Variants in ANK1 observed in about 807,000 individuals in gnomAD.
ANK1 encodes the protein ankyrin 1, also known as ankyrin-1.
Under a neutral mutation model 210.4 loss-of-function variants are expected in ANK1, and 51 were observed. The observed-to-expected ratio is 0.24, with a 90% CI of 0.19 to 0.31. ANK1 has a LOEUF of 0.31. Among genes scored for constraint, ANK1 ranks in the 10% least tolerant of loss-of-function variants. The pLI, the probability that ANK1 is intolerant of heterozygous loss-of-function variation, is 1.00. For synonymous variants in ANK1, 967 were observed against 1,025.9 expected, an observed-to-expected ratio of 0.94 and a Z score of 1.10; for missense variants, 2,051 against 2,504.4, an observed-to-expected ratio of 0.82 and a Z score of 3.86.
At chr8:41,670,119 A>T (rs368542066) in intron 38 of ANK1, among the ~76,000 whole-genome samples, 72 of 152,018 alleles carry the variant, frequency 4.7e-4, no homozygotes, top group African/African-American at 1.5e-3. Flanking sequence ...AGCACGTATT[A>T]TCTAGAATTT....
intron 1 of ANK1, among the ~76,000 whole-genome samples, chr8:41,878,058 A>C (rs1816910214): frequency 2.0e-5 from 3 of 152,236 alleles, no homozygotes; most frequent in Admixed American, 2.0e-4. Flanking sequence ...CATGTGCATG[A>C]ACATTCTGGA....
At chr8:41,792,742 GA>G (rs1163970609) in intron 1 of ANK1, among the ~76,000 whole-genome samples, 1 of 152,166 alleles carries the variant, frequency 6.6e-6, no homozygotes, top group African/African-American at 2.4e-5. Context: ...ACTATTTTAT[GA>G]ATTTTAAAAA....
rs756122138 is a variant in ANK1 at position 41,668,483 on chromosome 8, C to T, written c.5178G>A (p.Thr1726=). The part of the protein sequence containing the change: ...AAQGSWQEEV[T]QGPHSFQGTS... Reference sequence around the variant, plus strand: ...TTCCCTGGAATGAGTGTGGACCTTGCGTGACCTCCTCTTGCCAGGAACCTT... The same window carrying T: ...TTCCCTGGAATGAGTGTGGACCTTGTGTGACCTCCTCTTGCCAGGAACCTT... The change falls in exon 39 of 43, where the codon ACG becomes ACA. Residue 1726 remains threonine (T), a synonymous_variant. Transcript: ENST00000289734. The T allele has an allele frequency of 2.7e-5, 43 of 1,614,092 alleles. No individual in the cohort carries two copies. The highest frequency in any genetic ancestry group is 1.4e-4 in the South Asian group (13 of 91,088).
chr8:41,859,701 T>A (rs1347356711), intron 1 of ANK1, among the ~76,000 whole-genome samples: 1 of 152,244 alleles, frequency 6.6e-6, no homozygotes, highest in Admixed American at 6.5e-5. Flanking sequence ...ACTTATTGAT[T>A]GATTGATTTC....
At position 41,688,160 on chromosome 8, in the gene ANK1, C is replaced by A; in HGVS notation, c.4254G>T (p.Trp1418Cys). 6.2e-7 allele frequency: 1 copy of A among 1,614,186 alleles called. No individual in the cohort carries two copies. The highest frequency in any genetic ancestry group is 8.5e-7 in the Non-Finnish European group (1 of 1,180,014). ...AVISEHLGLS[W>C]AELARELQFS... ...TGCCCCCAATTCCCCACTCACCTGC[C>A]CAGCTGAGACCGAGGTGCTCTGAGA... Residue 1418 changes from tryptophan to cysteine, a missense_variant, in exon 35 of 43, where the codon TGG becomes TGT. This residue lies in a region of ANK1 where 39 missense variants were observed against 75.1 expected (regional missense o/e 0.52). Coordinates refer to ENST00000289734, the MANE Select transcript of ANK1 (RefSeq NM_000037.4).
At chr8:41,865,620 A>C (rs906313018) in intron 1 of ANK1, among the ~76,000 whole-genome samples, 1 of 150,188 alleles carries the variant, frequency 6.7e-6, no homozygotes, top group South Asian at 2.1e-4. Context: ...CCCTCCTCTG[A>C]TTCTCTCCCC....
rs1563424098 is a variant in ANK1, at chr8:41,688,136, G to GC, written c.4258+19dup. On this transcript the variant is annotated intron_variant, in intron 35 of 42. Coordinates refer to ENST00000289734, the MANE Select transcript of ANK1 (RefSeq NM_000037.4). ...GGTGAGATGGACAAAGTGCTTTTCT[G>GC]CCCCCAATTCCCCACTCACCTGCCC... 3 of 1,612,840 alleles carry GC rather than the reference G, an allele frequency of 1.9e-6. No homozygotes were observed. The highest frequency in any genetic ancestry group is 2.5e-6 in the Non-Finnish European group (3 of 1,178,928).
At chr8:41,663,862 G>A (rs1281551949) in intron 39 of ANK1, 120 bp from the exon 40 acceptor site, 2 of 823,800 alleles carry the variant, frequency 2.4e-6, no homozygotes, top group Non-Finnish European at 4.1e-6. Flanking sequence ...AACTCCCCCA[G>A]CAGGAAACCC....
chr8:41,848,743 T>C (rs902313146), intron 1 of ANK1, among the ~76,000 whole-genome samples: 1 of 152,246 alleles, frequency 6.6e-6, no homozygotes, highest in African/African-American at 2.4e-5. Flanking sequence ...TTACTGCTCT[T>C]AAGGTGATCT....
At chr8:41,656,713 G>A (rs1252750455) in intron 42 of ANK1, among the ~76,000 whole-genome samples, 1 of 152,238 alleles carries the variant, frequency 6.6e-6, no homozygotes, top group Non-Finnish European at 1.5e-5. Context: ...GGAGGCAGGA[G>A]CTCATTCGGA....
Position 41,718,162 on chromosome 8 carries a change from C to G in ANK1, c.1150G>C (p.Val384Leu), listed in dbSNP as rs200898069. 4 of 1,614,058 alleles carry G rather than the reference C, an allele frequency of 2.5e-6. No individual in the cohort carries two copies. The highest frequency in any genetic ancestry group is 3.4e-6 in the Non-Finnish European group (4 of 1,180,006). Residue 384 changes from valine (V) to leucine (L), a missense_variant, in exon 11 of 43, where the codon GTC becomes CTC. Transcript: ENST00000289734. ...PLHIACKKNH[V>L]RVMELLLKTG... The stretch of plus-strand genomic sequence containing the variant: ...TTCAGCAGCAGCTCCATGACACGGA[C>G]GTGGTTCTTTTTGCAGGCGATGTGT...
intron 1 of ANK1, among the ~76,000 whole-genome samples, chr8:41,864,249 C>CAAAA (rs34673931): frequency 2.6e-5 from 2 of 77,882 alleles, no homozygotes; most frequent in Non-Finnish European, 2.7e-5. Context: ...GACTCTGTCT[C>CAAAA]AAAAAAAAAA....
intron 3 of ANK1, among the ~76,000 whole-genome samples, chr8:41,728,560 A>C (rs531405574): frequency 3.9e-5 from 6 of 152,134 alleles, no homozygotes; most frequent in Non-Finnish European, 5.9e-5. Context: ...CAATCTATAA[A>C]AAGAAAAACA....
chr8:41,662,112 C>G (rs1585812096), intron 40 of ANK1, among the ~76,000 whole-genome samples, 171 bp from the exon 41 acceptor site: 1 of 152,084 alleles, frequency 6.6e-6, no homozygotes, highest in Non-Finnish European at 1.5e-5. Flanking sequence ...CAAAAATTAG[C>G]CCGGTGTGGT....
At chr8:41,695,005 G>T (rs570106884) in intron 27 of ANK1, among the ~76,000 whole-genome samples, 172 bp downstream of exon 27, 2 of 152,292 alleles carry the variant, frequency 1.3e-5, no homozygotes, top group East Asian at 3.9e-4. Context: ...GCAGGCAGCC[G>T]CTGAGCATCC....
chr8:41,752,962 A>AG (rs773720100), intron 2 of ANK1, among the ~76,000 whole-genome samples: 4 of 152,080 alleles, frequency 2.6e-5, no homozygotes, highest in South Asian at 2.1e-4. Flanking sequence ...GGCTTCTACA[A>AG]GGGGGGGATA....
At chr8:41,881,284 C>A (rs890051072) in intron 1 of ANK1, among the ~76,000 whole-genome samples, 1 of 152,226 alleles carries the variant, frequency 6.6e-6, no homozygotes, top group Non-Finnish European at 1.5e-5. Flanking sequence ...CCCAAGGTCA[C>A]TCAGCCACTT....
intron 1 of ANK1, among the ~76,000 whole-genome samples, chr8:41,761,921 C>T (rs958615957): frequency 7.2e-5 from 11 of 152,014 alleles, no homozygotes; most frequent in East Asian, 1.9e-4. Context: ...GCTGCTTCCT[C>T]GCTCTGCCTC....
chr8:41,805,580 T>G (rs777165861), intron 1 of ANK1, among the ~76,000 whole-genome samples: 1 of 152,156 alleles, frequency 6.6e-6, no homozygotes, highest in Non-Finnish European at 1.5e-5. Flanking sequence ...GACTTATATC[T>G]AGCAATATTT....
Sources: gnomAD v4.1 joint callset for allele counts (sites outside exome capture counted in the v4.1 genomes callset) on GRCh38, gnomAD v4.1.1 for gene constraint, gnomAD v4.1.1 regional missense constraint, MANE v1.5 for transcripts, NCBI Gene and HGNC (gene_info 2026-07-23, HGNC 2026-07-21) for gene names.